Variants in PTBP2 observed in about 807,000 individuals in gnomAD.
PTBP2 encodes the protein polypyrimidine tract binding protein 2.
PTBP2 carries 13 observed loss-of-function variants against 61.4 expected under a neutral mutation model. The observed-to-expected ratio is 0.21, with a 90% CI of 0.14 to 0.34. The LOEUF (loss-of-function observed/expected upper bound fraction) is 0.34, where lower values mean the gene tolerates loss of function less well. Among genes scored for constraint, PTBP2 ranks in the 10% least tolerant of loss-of-function variants. The pLI is 1.00. For synonymous variants in PTBP2, 215 were observed against 218.5 expected (o/e 0.98, Z 0.14); for missense variants, 405 against 642.6 (o/e 0.63, Z 4.00).
chr1:96,722,182 G>A (rs1323992092), intron 1 of PTBP2, among the ~76,000 whole-genome samples: 1 of 151,946 alleles, frequency 6.6e-6, no homozygotes, highest in South Asian at 2.1e-4. Context: ...ACGTCTCCCC[G>A]GTCTGTCCCT....
downstream of PTBP2, chr1:96,817,539 G>A (rs1662531586): frequency 6.6e-6 from 1 of 151,970 alleles, no homozygotes; most frequent in Admixed American, 6.6e-5. Flanking sequence ...TTCACATTAA[G>A]AACTGTTCAA....
chr1:96,739,618 G>GGTTTTTTTTTTTTTTTTTTTTTTTTTT (rs1232683663), intron 2 of PTBP2, among the ~76,000 whole-genome samples: 1 of 83,802 alleles, frequency 1.2e-5, no homozygotes. Context: ...ACTGGTGTGT[G>GGTTTTTTTTTTTTTTTTTTTTTTTTTT]TTTTTTTTTT....
At chr1:96,759,985 C>G (rs924153325) in intron 3 of PTBP2, among the ~76,000 whole-genome samples, 5 of 152,246 alleles carry the variant, frequency 3.3e-5, no homozygotes, top group Non-Finnish European at 7.4e-5. Flanking sequence ...TGCGGGGAAA[C>G]TCTCCCCTTT....
At chr1:96,743,260 G>C (rs1260539397) in intron 2 of PTBP2, among the ~76,000 whole-genome samples, 1 of 127,712 alleles carries the variant, frequency 7.8e-6, no homozygotes, top group East Asian at 2.6e-4. Context: ...CTGGGTGACA[G>C]AGCAAGACTC....
At chr1:96,763,139 G>A (rs192789804) in intron 3 of PTBP2, among the ~76,000 whole-genome samples, 14,352 of 151,862 alleles carry the variant, frequency 0.095, 927 homozygotes, top group Non-Finnish European at 0.14. Context: ...GACGATGGGC[G>A]GCCAGGCAGA....
intron 3 of PTBP2, among the ~76,000 whole-genome samples, chr1:96,756,331 G>A (rs1655156452): frequency 6.6e-6 from 1 of 152,132 alleles, no homozygotes; most frequent in African/African-American, 2.4e-5. Flanking sequence ...CCCAGGAGGT[G>A]GAGGTTGCAG....
In PTBP2 at chr1:96,751,006, T is replaced by C. The variant is rs370834151; in HGVS notation, c.40-419T>C. ...TTTAATAATGATGAAGATATTGATATCTAACTCACCAGAATGAAGTTCTAA... is the reference window on the plus strand; with the variant it reads ...TTTAATAATGATGAAGATATTGATACCTAACTCACCAGAATGAAGTTCTAA... On this transcript the variant is annotated intron_variant, in intron 2 of 13. Coordinates refer to ENST00000674951, the MANE Select transcript of PTBP2 (RefSeq NM_021190.4). Among the ~76,000 whole-genome samples the C allele has an allele frequency of 2.0e-4, 30 of 152,208 alleles. No individual in the cohort carries two copies. The South Asian group carries it at 5.2e-3, about 26-fold the overall frequency.
At chr1:96,739,866 C>T (rs889233653) in intron 2 of PTBP2, among the ~76,000 whole-genome samples, 11 of 151,824 alleles carry the variant, frequency 7.2e-5, no homozygotes, top group East Asian at 3.9e-4. Context: ...CCTCGTGATC[C>T]GCCTGCCTCG....
At chr1:96,732,148 A>G (rs1043336206) in intron 2 of PTBP2, among the ~76,000 whole-genome samples, 2 of 152,188 alleles carry the variant, frequency 1.3e-5, no homozygotes, top group Non-Finnish European at 2.9e-5. Flanking sequence ...TGAACTCACA[A>G]TTTAAATTAT....
intron 7 of PTBP2, among the ~76,000 whole-genome samples, chr1:96,782,068 ATTG>A (rs1168365490): frequency 1.3e-5 from 2 of 151,992 alleles, no homozygotes; most frequent in African/African-American, 2.4e-5. Flanking sequence ...GGATTTAAAA[ATTG>A]TTTTTACATA....
At chr1:96,795,049 G>A (rs1660234423) in intron 8 of PTBP2, among the ~76,000 whole-genome samples, 1 of 152,170 alleles carries the variant, frequency 6.6e-6, no homozygotes, top group Admixed American at 6.5e-5. Context: ...ATGATATTAT[G>A]TACCAAGTTT....
At chr1:96,818,603 C>G (rs553900641), downstream of PTBP2, 4 of 152,112 alleles carry the variant, frequency 2.6e-5, no homozygotes, top group South Asian at 4.2e-4. Flanking sequence ...GTCTATGAGC[C>G]TACTGAATCT....
At chr1:96,724,474 C>T (rs1650091445) in intron 2 of PTBP2, among the ~76,000 whole-genome samples, 1 of 151,946 alleles carries the variant, frequency 6.6e-6, no homozygotes, top group African/African-American at 2.4e-5. Flanking sequence ...GTCTCAAACT[C>T]CTGACCTCAT....
At chr1:96,739,618 GTTTTTTTTTTTTTT>G (rs772410191) in intron 2 of PTBP2, among the ~76,000 whole-genome samples, 15 of 83,802 alleles carry the variant, frequency 1.8e-4, no homozygotes, top group African/African-American at 7.8e-4. Flanking sequence ...ACTGGTGTGT[GTTTTTTTTTTTTTT>G]TTTTTTTTTT....
intron 7 of PTBP2, 49 bp from the exon 8 acceptor site, chr1:96,785,009 AT>A: frequency 7.4e-7 from 1 of 1,357,820 alleles, no homozygotes; most frequent in Non-Finnish European, 9.9e-7. Context: ...ACTTTCACTA[AT>A]TTTTATTTTT....
intron 8 of PTBP2, among the ~76,000 whole-genome samples, chr1:96,791,830 T>TTTTTG (rs796570591): frequency 0.014 from 1,850 of 129,622 alleles, 125 homozygotes; most frequent in African/African-American, 0.055. Flanking sequence ...GTTGTGCTTT[T>TTTTTG]TTTTTTTTTT....
intron 2 of PTBP2, among the ~76,000 whole-genome samples, chr1:96,726,387 C>T (rs1334497385): frequency 4.6e-5 from 7 of 151,030 alleles, no homozygotes; most frequent in South Asian, 2.1e-4. Context: ...ATTCTCCTGC[C>T]TCAGCCTCCC....
At chr1:96,759,939 TAC>T (rs1655610660) in intron 3 of PTBP2, among the ~76,000 whole-genome samples, 1 of 152,152 alleles carries the variant, frequency 6.6e-6, no homozygotes, top group African/African-American at 2.4e-5. Context: ...AGTCACATCT[TAC>T]GTAGATGGCA....
Position 96,821,627 on chromosome 1 carries a change from T to TATC in PTBP2, c.*8224_*8225insCAT, listed in dbSNP as rs1165370316. On this transcript the variant is annotated 3_prime_UTR_variant, in exon 14 of 14. Coordinates refer to the PTBP2 transcript ENST00000609116. Reference sequence around the variant, plus strand: ...ATAAATTGCTAACATTTGCTTTTATTATTATTATTATTATTATTTTAGACA... The same window carrying TATC: ...ATAAATTGCTAACATTTGCTTTTATTATCATTATTATTATTATTATTTTAGACA... The TATC allele has an allele frequency of 2.9e-5, 3 of 104,100 alleles. No homozygotes were observed. In the East Asian group the frequency reaches 5.9e-4, roughly 21 times the overall value. The allele number at this position is 104,100 out of a possible 1,614,324, so 6.4% of individuals were successfully genotyped here. A position where few individuals can be genotyped will look rare whatever the true frequency, so the allele number is the denominator to read the frequency against.
Sources: allele counts gnomAD v4.1 joint callset (sites outside exome capture counted in the v4.1 genomes callset), GRCh38; gene constraint gnomAD v4.1.1; transcripts MANE v1.5; gene names NCBI Gene and HGNC (gene_info 2026-07-23, HGNC 2026-07-21).